The following CNNM2 variants were observed in gnomAD, a reference collection of about 807,000 sequenced individuals.
CNNM2 encodes the protein cyclin and CBS domain divalent metal cation transport mediator 2.
Under a neutral mutation model 66.9 loss-of-function variants are expected in CNNM2, and 12 were observed. The ratio of observed to expected loss-of-function variants is 0.18; its 90% CI spans 0.11 to 0.29. The LOEUF (loss-of-function observed/expected upper bound fraction) is 0.29, where lower values mean the gene tolerates loss of function less well. Among genes scored for constraint, CNNM2 ranks in the 10% least tolerant of loss-of-function variants. The probability of loss-of-function intolerance (pLI) is 1.00; values close to 1 mark genes in which losing one functional copy is unlikely to be tolerated. For missense variants in CNNM2, 705 were observed against 1,167.7 expected (o/e 0.60, Z 5.77); for synonymous variants, 557 against 501.8 (o/e 1.11, Z -1.47).
intron 1 of CNNM2, among the ~76,000 whole-genome samples, chr10:103,011,777 C>T (rs1019554945): frequency 6.6e-6 from 1 of 151,850 alleles, no homozygotes; most frequent in African/African-American, 2.4e-5. Flanking sequence ...CAACCTCTGC[C>T]TCCCAGGTTC....
At chr10:102,984,890 A>G (rs897521191) in intron 1 of CNNM2, among the ~76,000 whole-genome samples, 3 of 151,764 alleles carry the variant, frequency 2.0e-5, no homozygotes, top group Non-Finnish European at 4.4e-5. Flanking sequence ...CAAATGATCC[A>G]CCCACCTCAG....
chr10:103,013,061 A>G (rs188899387), intron 1 of CNNM2, among the ~76,000 whole-genome samples: 1 of 152,286 alleles, frequency 6.6e-6, no homozygotes, highest in African/African-American at 2.4e-5. Context: ...ATAGCAAAAT[A>G]AGCTACAGTG....
At chr10:102,947,912 G>T (rs1288461963) in intron 1 of CNNM2, among the ~76,000 whole-genome samples, 1 of 152,098 alleles carries the variant, frequency 6.6e-6, no homozygotes, top group African/African-American at 2.4e-5. Context: ...AATTAGCCGG[G>T]CGTGGTGGCA....
At chr10:102,943,727 C>A (rs541721763) in intron 1 of CNNM2, among the ~76,000 whole-genome samples, 3 of 152,252 alleles carry the variant, frequency 2.0e-5, no homozygotes, top group African/African-American at 7.2e-5. Flanking sequence ...AATCTCATAA[C>A]TGCATGTCAT....
chr10:103,054,210 G>T lies in CNNM2; in HGVS notation c.1766-119G>T. 6 of 1,129,214 alleles carry T rather than the reference G, an allele frequency of 5.3e-6. No individual in the cohort carries two copies. The highest frequency in any genetic ancestry group is 7.6e-6 in the Non-Finnish European group (6 of 793,390). The allele number at this position is 1,129,214 out of a possible 1,614,324, so 69.9% of individuals were successfully genotyped here. A position where few individuals can be genotyped will look rare whatever the true frequency, so the allele number is the denominator to read the frequency against. The stretch of plus-strand genomic sequence containing the variant: ...TCCCCGTGGCATCTGTGCATAGAGC[G>T]CCTGCATCTGGAAATACAGTCCAGC... On this transcript the variant is annotated intron_variant, in intron 2 of 7. Transcript: ENST00000369878. This position sits in a 1 kb window ranked among gnomAD's most constrained non-coding sequence, Gnocchi z 5.2.
In CNNM2 at chr10:103,018,914, C is replaced by G. The variant is rs2064511179; in HGVS notation, c.1622-30793C>G. Among the ~76,000 whole-genome samples, 7 of 150,286 alleles carry G rather than the reference C, an allele frequency of 4.7e-5. No individual in the cohort carries two copies. In the South Asian group the frequency reaches 1.2e-3, roughly 27 times the overall value. On this transcript the variant is annotated intron_variant, in intron 1 of 7. Coordinates refer to ENST00000369878, the MANE Select transcript of CNNM2 (RefSeq NM_017649.5). ...ACTTGTGATCTACCACCTCAGCCTC[C>G]CAAAGTGCTGGGATTACAGGCGTGA...
At chr10:103,062,146 G>T (rs1471214824) in intron 4 of CNNM2, among the ~76,000 whole-genome samples, 3 of 152,208 alleles carry the variant, frequency 2.0e-5, no homozygotes, top group African/African-American at 7.2e-5. Flanking sequence ...GATAATATGA[G>T]GGATCACTAT....
intron 1 of CNNM2, among the ~76,000 whole-genome samples, chr10:102,983,869 G>C (rs965740968): frequency 3.9e-5 from 6 of 152,018 alleles, no homozygotes; most frequent in African/African-American, 1.4e-4. Context: ...AGGTTTGAGC[G>C]ATCCTCCTGC....
intron 1 of CNNM2, among the ~76,000 whole-genome samples, chr10:102,995,990 G>A (rs556761848): frequency 2.0e-5 from 3 of 152,290 alleles, no homozygotes; most frequent in East Asian, 1.9e-4. Flanking sequence ...ATGAGCCACC[G>A]TGCCTGGCCT....
intron 1 of CNNM2, among the ~76,000 whole-genome samples, chr10:102,968,848 G>A (rs1210553608): frequency 1.3e-5 from 2 of 148,902 alleles, no homozygotes; most frequent in African/African-American, 5.0e-5. Flanking sequence ...CAATATTCTT[G>A]CCTTGGCTTC....
At chr10:103,069,507 C>T (rs750488986) in intron 5 of CNNM2, among the ~76,000 whole-genome samples, 19 of 152,144 alleles carry the variant, frequency 1.2e-4, no homozygotes, top group Non-Finnish European at 2.1e-4. Context: ...TTTCTGAGGA[C>T]GAATGAGGTT....
At chr10:103,050,219 A>G (rs1012698623) in intron 2 of CNNM2, among the ~76,000 whole-genome samples, 2 of 152,172 alleles carry the variant, frequency 1.3e-5, no homozygotes, top group African/African-American at 4.8e-5. Flanking sequence ...TGTACTTTTC[A>G]TAACTCAAGT....
chr10:102,928,363 G>C (rs1845947230), intron 1 of CNNM2, among the ~76,000 whole-genome samples: 1 of 152,020 alleles, frequency 6.6e-6, no homozygotes, highest in African/African-American at 2.4e-5. Flanking sequence ...GAGGCGGGTG[G>C]ATCACCTGAG....
chr10:103,033,354 A>C (rs1419974336), intron 1 of CNNM2, among the ~76,000 whole-genome samples: 1 of 151,448 alleles, frequency 6.6e-6, no homozygotes, highest in Non-Finnish European at 1.5e-5. Context: ...AGGCCCACTT[A>C]ATTTTATTGT....
chr10:102,958,959 A>G (rs1847152027), intron 1 of CNNM2, among the ~76,000 whole-genome samples: 1 of 150,534 alleles, frequency 6.6e-6, no homozygotes, highest in Non-Finnish European at 1.5e-5. Flanking sequence ...TATTATTCTT[A>G]TTTTTTGAGA....
chr10:103,021,679 C>G (rs1318550378), intron 1 of CNNM2, among the ~76,000 whole-genome samples: 1 of 152,098 alleles, frequency 6.6e-6, no homozygotes, highest in Non-Finnish European at 1.5e-5. Context: ...AGAGTCCTGC[C>G]GAGAGTTGGA....
chr10:102,994,809 T>G lies in CNNM2; in HGVS notation c.1622-54898T>G, dbSNP rs1212245179. 3.3e-5 allele frequency among the ~76,000 whole-genome samples: 5 copies of G among 152,388 alleles called. No homozygotes were observed. The East Asian group carries it at 5.8e-4, about 18-fold the overall frequency. On this transcript the variant is annotated intron_variant, in intron 1 of 7. Coordinates refer to ENST00000369878, the MANE Select transcript of CNNM2 (RefSeq NM_017649.5). ...TCAAATGCCTTGGCCTATGCCTGTT[T>G]GCAAAGTAGCAGAACTAGGTCTTCA...
chr10:103,051,421 C>A (rs1312039090), intron 2 of CNNM2, among the ~76,000 whole-genome samples: 2 of 149,094 alleles, frequency 1.3e-5, no homozygotes, highest in African/African-American at 5.0e-5. Flanking sequence ...CAGAGCCAGA[C>A]TCTCTCTCCA....
rs113664660 is a variant in CNNM2, at chr10:102,951,407, G to A, written c.1621+31306G>A. Reference sequence around the variant, plus strand: ...AGACAGGGTTTCACCATGTTGGCCAGGCTGGTTTCGAATTCTTGATCTCAA... The same window carrying A: ...AGACAGGGTTTCACCATGTTGGCCAAGCTGGTTTCGAATTCTTGATCTCAA... On this transcript the variant is annotated intron_variant, in intron 1 of 7. Coordinates refer to ENST00000369878, the MANE Select transcript of CNNM2 (RefSeq NM_017649.5). Among the ~76,000 whole-genome samples the A allele has an allele frequency of 0.015, 2,300 of 152,144 alleles. 61 individuals are homozygous for A. Among genetic ancestry groups the A allele is most frequent in the African/African-American group, 0.052 (2,144 of 41,506 alleles).
Sources: gnomAD v4.1 joint callset for allele counts (sites outside exome capture counted in the v4.1 genomes callset) on GRCh38, gnomAD v4.1.1 for gene constraint, Gnocchi (gnomAD v3.1) non-coding constraint, MANE v1.5 for transcripts, NCBI Gene and HGNC (gene_info 2026-07-23, HGNC 2026-07-21) for gene names.